Variants in GAS2 observed in about 807,000 individuals in gnomAD.
GAS2 encodes growth arrest specific 2.
Under a neutral mutation model 37.5 loss-of-function variants are expected in GAS2, and 20 were observed. The ratio of observed to expected loss-of-function variants is 0.53; its 90% CI spans 0.37 to 0.77. The LOEUF (loss-of-function observed/expected upper bound fraction) is 0.77, where lower values mean the gene tolerates loss of function less well. Among genes scored for constraint, GAS2 ranks in the 30% least tolerant of loss-of-function variants. The pLI is 0.00. For missense variants in GAS2, 336 were observed against 373.4 expected (o/e 0.90, Z 0.82); for synonymous variants, 144 against 132.2 (o/e 1.09, Z -0.61).
At chr11:22,662,557 A>G (rs903051555), upstream of GAS2, among the ~76,000 whole-genome samples, 5 of 152,334 alleles carry the variant, frequency 3.3e-5, no homozygotes, top group Admixed American at 3.3e-4. Context: ...ATTTTACATT[A>G]AACATTTATA....
intron 2 of GAS2, among the ~76,000 whole-genome samples, chr11:22,684,183 G>T (rs1849829902): frequency 2.0e-5 from 3 of 152,120 alleles, no homozygotes; most frequent in Admixed American, 2.0e-4. Flanking sequence ...GATGTTAGAT[G>T]GGAAAGATGG....
At position 22,812,446 on chromosome 11, in the gene GAS2, T is replaced by TTTTTTA. The variant is rs1554913883; in HGVS notation, c.*430_*431insTTTTTA. 1 of 162,478 alleles carries TTTTTTA rather than the reference T, an allele frequency of 6.2e-6. No homozygotes were observed. 10.1% of individuals were successfully genotyped at this position (162,478 alleles called of 1,614,324 possible). On this transcript the variant is annotated 3_prime_UTR_variant, in exon 8 of 8. Transcript: ENST00000454584. ...TTTTATGCTTTTTTTTTTTTTTTTT[T>TTTTTTA]ACAAAATGATGATTAGTGTGATAAT...
At chr11:22,638,147 A>G (rs1379021565) in intron 1 of GAS2, among the ~76,000 whole-genome samples, 1 of 152,068 alleles carries the variant, frequency 6.6e-6, no homozygotes, top group Admixed American at 6.6e-5. Flanking sequence ...CACCACTTCC[A>G]AATATAAAAC....
At chr11:22,783,565 C>A (rs1200165617) in intron 7 of GAS2, among the ~76,000 whole-genome samples, 2 of 152,134 alleles carry the variant, frequency 1.3e-5, no homozygotes, top group Admixed American at 6.6e-5. Context: ...TACCCCACTC[C>A]CCAGGCCAAG....
intron 2 of GAS2, among the ~76,000 whole-genome samples, chr11:22,678,440 G>C (rs1358415607): frequency 1.3e-5 from 2 of 151,944 alleles, no homozygotes; most frequent in Non-Finnish European, 2.9e-5. Flanking sequence ...TTCAAGTCTT[G>C]CTTTTTATCT....
intron 7 of GAS2, among the ~76,000 whole-genome samples, chr11:22,787,476 TTGTGTGTATG>T (rs1188038715): frequency 2.0e-5 from 3 of 151,820 alleles, no homozygotes; most frequent in Admixed American, 2.0e-4. Context: ...TACATAATTG[TTGTGTGTATG>T]TGTGTATACA....
At chr11:22,715,528 A>G (rs1851633759) in intron 3 of GAS2, among the ~76,000 whole-genome samples, 1 of 151,538 alleles carries the variant, frequency 6.6e-6, no homozygotes, top group Non-Finnish European at 1.5e-5. Flanking sequence ...TACATTCGAT[A>G]ACACAGAAAT....
At chr11:22,676,459 G>A (rs1400500956) in intron 2 of GAS2, among the ~76,000 whole-genome samples, 6 of 152,122 alleles carry the variant, frequency 3.9e-5, no homozygotes, top group Non-Finnish European at 1.5e-5. Flanking sequence ...GCTGGAAATA[G>A]ACTGCCTGTG....
intron 7 of GAS2, among the ~76,000 whole-genome samples, chr11:22,788,321 A>G (rs1384648592): frequency 6.6e-6 from 1 of 152,222 alleles, no homozygotes; most frequent in African/African-American, 2.4e-5. Flanking sequence ...TGACTTCTTC[A>G]TATGAACAAT....
rs779873360 is a variant in GAS2, at chr11:22,674,909, G to A, written c.40G>A (p.Gly14Ser). ...ALSPKVRSGP[G>S]LSDMHQYSQW... Reference sequence around the variant, plus strand: ...GAGCCCAAAGGTACGCAGTGGACCTGGCCTCTCTGATATGCATCAGTATAG... The same window carrying A: ...GAGCCCAAAGGTACGCAGTGGACCTAGCCTCTCTGATATGCATCAGTATAG... Residue 14 changes from glycine to serine, a missense_variant, in exon 2 of 8, where the codon GGC becomes AGC. Gly to Ser is a moderately conservative substitution (Grantham distance 56). Coordinates refer to ENST00000454584, the MANE Select transcript of GAS2 (RefSeq NM_001143830.3). 1 of 1,613,566 alleles carries A rather than the reference G, an allele frequency of 6.2e-7. No individual in the cohort carries two copies. The highest frequency in any genetic ancestry group is 1.7e-5 in the Admixed American group (1 of 59,922).
chr11:22,731,587 C>G (rs1302951734), intron 4 of GAS2, among the ~76,000 whole-genome samples: 1 of 151,686 alleles, frequency 6.6e-6, no homozygotes, highest in Non-Finnish European at 1.5e-5. Flanking sequence ...CAGGGGCAAA[C>G]ATTGTCTACC....
intron 1 of GAS2, among the ~76,000 whole-genome samples, chr11:22,642,313 T>C (rs895838805): frequency 3.3e-5 from 5 of 152,044 alleles, no homozygotes; most frequent in Admixed American, 6.6e-5. Context: ...TGATGAAGAA[T>C]CAACAAATTT....
intron 7 of GAS2, among the ~76,000 whole-genome samples, chr11:22,765,420 AC>A (rs1243904371): frequency 6.6e-6 from 1 of 152,206 alleles, no homozygotes; most frequent in Non-Finnish European, 1.5e-5. Flanking sequence ...GGAAAAATAC[AC>A]CTTTTTATCC....
intron 1 of GAS2, among the ~76,000 whole-genome samples, chr11:22,650,753 C>G (rs1030682493): frequency 1.3e-4 from 20 of 152,066 alleles, no homozygotes; most frequent in African/African-American, 4.6e-4. Flanking sequence ...CTGCCTTTTT[C>G]TGTTTTCCAT....
chr11:22,697,396 A>AT (rs1850585325), intron 3 of GAS2, among the ~76,000 whole-genome samples: 1 of 151,740 alleles, frequency 6.6e-6, no homozygotes, highest in Non-Finnish European at 1.5e-5. Flanking sequence ...CAGCTTTGTT[A>AT]TTTTGGCTTA....
At chr11:22,727,823 T>A (rs1852287576) in intron 4 of GAS2, among the ~76,000 whole-genome samples, 1 of 152,032 alleles carries the variant, frequency 6.6e-6, no homozygotes, top group Non-Finnish European at 1.5e-5. Flanking sequence ...CAATTTTAAC[T>A]TTCAGGTTTG....
At chr11:22,759,048 T>C (rs1854222354) in intron 7 of GAS2, among the ~76,000 whole-genome samples, 1 of 152,204 alleles carries the variant, frequency 6.6e-6, no homozygotes, top group Non-Finnish European at 1.5e-5. Context: ...CAAGGTTTGT[T>C]GACCACACCT....
intron 3 of GAS2, among the ~76,000 whole-genome samples, 183 bp from the exon 4 acceptor site, chr11:22,726,109 C>G (rs1852199129): frequency 6.6e-6 from 1 of 152,100 alleles, no homozygotes; most frequent in Non-Finnish European, 1.5e-5. Flanking sequence ...CTTGCAGGAA[C>G]AGATTTTCAG....
chr11:22,750,388 G>A (rs1164437811), intron 6 of GAS2, among the ~76,000 whole-genome samples: 1 of 152,032 alleles, frequency 6.6e-6, no homozygotes, highest in Admixed American at 6.6e-5. Flanking sequence ...TAGATGAGCC[G>A]AAATATAACA....
Sources: gnomAD v4.1 joint callset for allele counts (sites outside exome capture counted in the v4.1 genomes callset) on GRCh38, gnomAD v4.1.1 for gene constraint, MANE v1.5 for transcripts, NCBI Gene and HGNC (gene_info 2026-07-23, HGNC 2026-07-21) for gene names.